NCKAP5: variants seen among roughly 807,000 people sequenced by gnomAD.
NCKAP5 encodes nck-associated protein 5.
In NCKAP5, 92 loss-of-function variants were observed where a neutral mutation model predicts 167.0. That is an observed-to-expected ratio of 0.55 (90% CI 0.47 to 0.66). The LOEUF (loss-of-function observed/expected upper bound fraction) is 0.66, where lower values mean the gene tolerates loss of function less well. NCKAP5 is among the 30% of genes least tolerant of loss of function. The pLI is 0.00. For synonymous variants in NCKAP5, 891 were observed against 877.4 expected, an observed-to-expected ratio of 1.02 and a Z score of -0.27; for missense variants, 2,378 against 2,315.0, an observed-to-expected ratio of 1.03 and a Z score of -0.56.
chr2:133,665,874 G>A, the NCKAP5 span, among the ~76,000 whole-genome samples: 6 of 152,248 alleles, frequency 3.9e-5, no homozygotes, highest in African/African-American at 1.4e-4. Flanking sequence ...TATGAATATA[G>A]CATTTTTGTT....
intron 3 of NCKAP5, among the ~76,000 whole-genome samples, chr2:133,376,406 C>T (rs995576162): frequency 1.3e-5 from 2 of 152,318 alleles, no homozygotes; most frequent in East Asian, 1.9e-4. Context: ...CCTTCTCCCC[C>T]GTTTGCCCGA....
the NCKAP5 span, among the ~76,000 whole-genome samples, chr2:133,613,993 C>T: frequency 6.6e-6 from 1 of 152,146 alleles, no homozygotes; most frequent in African/African-American, 2.4e-5. Flanking sequence ...TGGCAGATAG[C>T]AGGCAGGACT....
chr2:133,239,929 T>C (rs1479083143), intron 4 of NCKAP5, among the ~76,000 whole-genome samples: 1 of 152,208 alleles, frequency 6.6e-6, no homozygotes, highest in Admixed American at 6.5e-5. Context: ...AAATTACCAA[T>C]GTCTGACTAT....
At chr2:133,414,328 CT>C (rs1688968638) in intron 3 of NCKAP5, among the ~76,000 whole-genome samples, 1 of 152,178 alleles carries the variant, frequency 6.6e-6, no homozygotes, top group South Asian at 2.1e-4. Flanking sequence ...TGGAGTCTGT[CT>C]TTTCGTTTTC....
intron 2 of NCKAP5, among the ~76,000 whole-genome samples, chr2:133,539,641 T>C (rs1353234150): frequency 6.6e-6 from 1 of 151,842 alleles, no homozygotes; most frequent in African/African-American, 2.4e-5. Context: ...AACTACGGTC[T>C]AAAATGAAAT....
chr2:133,584,894 T>G, the NCKAP5 span, among the ~76,000 whole-genome samples: 1 of 146,734 alleles, frequency 6.8e-6, no homozygotes, highest in Non-Finnish European at 1.5e-5. Flanking sequence ...ATATTCAGGA[T>G]TTTTGCTAAG....
intron 3 of NCKAP5, among the ~76,000 whole-genome samples, chr2:133,495,656 A>T (rs1681878643): frequency 1.3e-5 from 2 of 152,206 alleles, no homozygotes; most frequent in Admixed American, 1.3e-4. Flanking sequence ...GAATAACAGG[A>T]TGATATAGAA....
chr2:133,437,236 CCAA>C (rs1559483903), intron 3 of NCKAP5, among the ~76,000 whole-genome samples: 1 of 151,836 alleles, frequency 6.6e-6, no homozygotes, highest in Non-Finnish European at 1.5e-5. Flanking sequence ...GCCTGTAATC[CCAA>C]CTACTCAGGA....
intron 3 of NCKAP5, among the ~76,000 whole-genome samples, chr2:133,343,188 A>T (rs1458237506): frequency 2.0e-5 from 3 of 152,234 alleles, no homozygotes; most frequent in Non-Finnish European, 2.9e-5. Context: ...AAGGGACAGC[A>T]CATTAAACTT....
intron 3 of NCKAP5, among the ~76,000 whole-genome samples, chr2:133,463,784 T>C (rs1336229649): frequency 6.6e-6 from 1 of 152,242 alleles, no homozygotes; most frequent in Non-Finnish European, 1.5e-5. Flanking sequence ...AACAACTCTT[T>C]ATTCCTTGGT....
chr2:133,611,975 C>T, the NCKAP5 span, among the ~76,000 whole-genome samples: 1 of 152,126 alleles, frequency 6.6e-6, no homozygotes, highest in Admixed American at 6.5e-5. Flanking sequence ...TCTTAGACAT[C>T]AGAAGAGGCA....
chr2:132,819,524 A>T (rs1479122593), intron 11 of NCKAP5, among the ~76,000 whole-genome samples: 7 of 152,242 alleles, frequency 4.6e-5, no homozygotes, highest in Non-Finnish European at 8.8e-5. Flanking sequence ...CTTTGCCTGT[A>T]GGAGGCAAAG....
the NCKAP5 span, among the ~76,000 whole-genome samples, chr2:133,627,726 C>T: frequency 2.0e-5 from 3 of 151,990 alleles, no homozygotes; most frequent in African/African-American, 7.2e-5. Flanking sequence ...TTTTTTTAAG[C>T]AACCAAAAAC....
the NCKAP5 span, among the ~76,000 whole-genome samples, chr2:133,663,242 C>T: frequency 2.0e-5 from 3 of 147,580 alleles, no homozygotes; most frequent in Non-Finnish European, 4.4e-5. Flanking sequence ...GTCCGCAGTC[C>T]GGCCTGGGCG....
chr2:133,493,765 A>G (rs574551378), intron 3 of NCKAP5, among the ~76,000 whole-genome samples: 47 of 152,356 alleles, frequency 3.1e-4, no homozygotes, highest in African/African-American at 1.1e-3. Flanking sequence ...AGTACACAGA[A>G]GAGTGATACA....
At chr2:133,143,544 T>A (rs988170385) in intron 5 of NCKAP5, among the ~76,000 whole-genome samples, 2 of 152,166 alleles carry the variant, frequency 1.3e-5, no homozygotes, top group African/African-American at 4.8e-5. Flanking sequence ...CTACAGCTAG[T>A]GCCAGCAGCC....
At chr2:133,041,154 T>A (rs1420788055) in intron 6 of NCKAP5, among the ~76,000 whole-genome samples, 1 of 152,120 alleles carries the variant, frequency 6.6e-6, no homozygotes, top group East Asian at 1.9e-4. Context: ...GACAGTGAAT[T>A]TTTGAACTGG....
chr2:133,617,824 A>G, the NCKAP5 span, among the ~76,000 whole-genome samples: 2 of 150,782 alleles, frequency 1.3e-5, no homozygotes, highest in African/African-American at 4.9e-5. Context: ...ATATGGAACC[A>G]AAAAAGAGCC....
chr2:133,455,414 T>C (rs1429617002), intron 3 of NCKAP5, among the ~76,000 whole-genome samples: 1 of 152,106 alleles, frequency 6.6e-6, no homozygotes, highest in African/African-American at 2.4e-5. Context: ...ATGTCTTTAT[T>C]ATTACTCTAC....
Sources: gnomAD v4.1 joint callset for allele counts (sites outside exome capture counted in the v4.1 genomes callset) on GRCh38, gnomAD v4.1.1 for gene constraint, MANE v1.5 for transcripts, NCBI Gene and HGNC (gene_info 2026-07-23, HGNC 2026-07-21) for gene names.